The following METTL1 variants were observed in gnomAD, a reference collection of about 807,000 sequenced individuals.
The protein encoded by METTL1 is tRNA (guanine-N(7)-)-methyltransferase.
In METTL1, 14 loss-of-function variants were observed where a neutral mutation model predicts 27.7. That is an observed-to-expected ratio of 0.51 (90% CI 0.33 to 0.79). The LOEUF (loss-of-function observed/expected upper bound fraction) is 0.79, where lower values mean the gene tolerates loss of function less well. METTL1 is among the 30% of genes least tolerant of loss of function. The pLI is 0.02. For missense variants in METTL1, 333 were observed against 359.6 expected (o/e 0.93, Z 0.60); for synonymous variants, 138 against 137.0 (o/e 1.01, Z -0.05).
intron 2 of METTL1, among the ~76,000 whole-genome samples, chr12:57,770,261 A>C (rs899419658): frequency 2.2e-4 from 33 of 152,360 alleles, no homozygotes; most frequent in African/African-American, 7.9e-4. Flanking sequence ...TGTGAAGATA[A>C]GGAAACTGAG....
intron 2 of METTL1, 55 bp downstream of exon 2, chr12:57,771,039 G>A: frequency 1.3e-6 from 2 of 1,572,680 alleles, no homozygotes. Flanking sequence ...AAGTTGCTGA[G>A]GCAGCAGAAG....
chr12:57,772,093 C>A lies in METTL1; in HGVS notation c.-10G>T. On this transcript the variant is annotated 5_prime_UTR_variant, in exon 1 of 6. Transcript: ENST00000324871. The surrounding 1 kb of genome is among the most constrained non-coding windows in gnomAD (Gnocchi z 4.1). ...GAGTCTCGGCTGCCATGATCCCAGT[C>A]CGGGGTTTCTCTACCAAATCCACGT... 6.4e-7 allele frequency: 1 copy of A among 1,571,554 alleles called. No homozygotes were observed. Among genetic ancestry groups the A allele is most frequent in the African/African-American group, 1.4e-5 (1 of 71,406 alleles).
In METTL1 at chr12:57,769,365, C is replaced by G; in HGVS notation, c.613G>C (p.Asp205His). ...YTITDVLELH[D>H]WMCTHFEEHP... ...TCTTCGAAATGAGTGCACATCCAGT[C>G]GTGTAGCTCCAGCACATCGGTTATG... The change falls in exon 5 of 6, where the codon GAC (aspartate) becomes CAC (histidine). Residue 205 changes from aspartate (D) to histidine (H), a missense_variant. Asp to His is a moderately conservative substitution (Grantham distance 81, BLOSUM62 -1). Transcript: ENST00000324871. The G allele has an allele frequency of 6.2e-7, 1 of 1,614,176 alleles. No individual in the cohort carries two copies. Among genetic ancestry groups the G allele is most frequent in the Non-Finnish European group, 8.5e-7 (1 of 1,180,038 alleles).
In METTL1 at chr12:57,771,838, C is replaced by G. The variant is rs1955436601; in HGVS notation, c.110+136G>C. On this transcript the variant is annotated intron_variant, in intron 1 of 5. Coordinates refer to ENST00000324871, the MANE Select transcript of METTL1 (RefSeq NM_005371.6). Reference sequence around the variant, plus strand: ...CCTCTCTCGGTCGAATCTCCCGGTCCCACCCCCAAAAACTGACGTCACCCA... The same window carrying G: ...CCTCTCTCGGTCGAATCTCCCGGTCGCACCCCCAAAAACTGACGTCACCCA... 11 of 1,192,138 alleles carry G rather than the reference C, an allele frequency of 9.2e-6. No homozygotes were observed. The South Asian group carries it at 1.7e-4, about 18-fold the overall frequency. 73.8% of individuals were successfully genotyped at this position (1,192,138 alleles called of 1,614,324 possible). A position where few individuals can be genotyped will look rare whatever the true frequency, so the allele number is the denominator to read the frequency against.
At chr12:57,771,287 G>C in intron 1 of METTL1, 30 bp from the exon 2 acceptor site, 2 of 1,411,728 alleles carry the variant, frequency 1.4e-6, no homozygotes, top group South Asian at 1.1e-5. Context: ...AGAAGCATGA[G>C]AAGGTTGGTC....
At chr12:57,769,454 G>T (rs1339586484) in intron 4 of METTL1, 50 bp from the exon 5 acceptor site, 1 of 1,605,978 alleles carries the variant, frequency 6.2e-7, no homozygotes, top group Admixed American at 1.7e-5. Context: ...AACGTCAGCA[G>T]CCAGATGAAG....
At position 57,768,851 on chromosome 12, in the gene METTL1, A is replaced by T. The variant is rs1337443814; in HGVS notation, c.*145T>A. ...GGAGCCAGGGGTAGTCATGAACACC[A>T]GTGGGTTCTGCCCTGGGCAGCTCCC... On this transcript the variant is annotated 3_prime_UTR_variant, in exon 6 of 6. Coordinates refer to ENST00000324871, the MANE Select transcript of METTL1 (RefSeq NM_005371.6). The T allele has an allele frequency of 2.1e-6, 2 of 932,268 alleles. No individual in the cohort carries two copies. The highest frequency in any genetic ancestry group is 3.1e-6 in the Non-Finnish European group (2 of 643,360). The allele number at this position is 932,268 out of a possible 1,614,324, so 57.7% of individuals were successfully genotyped here.
chr12:57,769,619 C>T lies in METTL1; in HGVS notation c.519G>A (p.Trp173Ter), dbSNP rs1955403488. 4 of 1,554,448 alleles carry T rather than the reference C, an allele frequency of 2.6e-6. No individual in the cohort carries two copies. The highest frequency in any genetic ancestry group is 1.2e-5 in the South Asian group (1 of 80,976). ...DPHFKRTKHK[W>*]RIISPTLLAE... is the part of the protein sequence containing the mutation. ...CTAGCAGGGTGGGACTGATGATTCG[C>T]CACTTGTGCTTTGTCCGCTTGAAAT... is the stretch of plus-strand genomic sequence containing the variant. The change falls in exon 4 of 6, where the codon TGG (tryptophan) becomes TGA (stop). Residue 173 changes from tryptophan to a stop codon, truncating the protein, a stop_gained. Coordinates refer to ENST00000324871, the MANE Select transcript of METTL1 (RefSeq NM_005371.6). LOFTEE classifies it high-confidence loss of function.
intron 1 of METTL1, chr12:57,771,571 C>T (rs1394175876): frequency 1.4e-5 from 21 of 1,535,234 alleles, no homozygotes; most frequent in Non-Finnish European, 1.7e-5. Flanking sequence ...AGACTGGCTG[C>T]CTAATGCACT....
At chr12:57,770,952 G>A in intron 2 of METTL1, 142 bp downstream of exon 2, 1 of 851,666 alleles carries the variant, frequency 1.2e-6, no homozygotes, top group Non-Finnish European at 1.8e-6. Context: ...CCAGAGTAGA[G>A]GGTAGGTGGA....
intron 1 of METTL1, chr12:57,771,762 C>T: frequency 7.9e-7 from 1 of 1,273,056 alleles, no homozygotes; most frequent in Non-Finnish European, 1.1e-6. Context: ...AACTTAGCAC[C>T]GCTACCCAGA....
intron 2 of METTL1, among the ~76,000 whole-genome samples, chr12:57,770,383 G>C (rs1478280381): frequency 1.3e-5 from 2 of 152,124 alleles, no homozygotes; most frequent in African/African-American, 4.8e-5. Context: ...CACAATCTTG[G>C]CTCACTGCAA....
At chr12:57,770,109 G>A (rs917244413) in intron 2 of METTL1, among the ~76,000 whole-genome samples, 153 bp from the exon 3 acceptor site, 5 of 152,250 alleles carry the variant, frequency 3.3e-5, no homozygotes, top group African/African-American at 1.2e-4. Flanking sequence ...TTATGCTCAA[G>A]AGGCGGGGGG....
intron 1 of METTL1, chr12:57,771,606 C>T (rs1347593991): frequency 1.3e-6 from 2 of 1,535,434 alleles, no homozygotes; most frequent in Admixed American, 2.0e-5. Flanking sequence ...TGTTTGTGCT[C>T]TGCGGGGAGG....
chr12:57,771,708 G>C (rs1240797254), intron 1 of METTL1: 9 of 1,462,096 alleles, frequency 6.2e-6, no homozygotes, highest in Non-Finnish European at 8.2e-6. Context: ...ACGACATTCT[G>C]CCTCTATCAC....
intron 1 of METTL1, 24 bp from the exon 2 acceptor site, chr12:57,771,281 G>A: frequency 6.3e-7 from 1 of 1,577,872 alleles, no homozygotes; most frequent in Non-Finnish European, 8.6e-7. Flanking sequence ...GACATAAGAA[G>A]CATGAGAAGG....
chr12:57,770,009 A>G, intron 2 of METTL1, 53 bp from the exon 3 acceptor site: 1 of 1,528,432 alleles, frequency 6.5e-7, no homozygotes. Flanking sequence ...TAGGAAGTGC[A>G]AAGGGGTCAA....
At chr12:57,771,469 T>A in intron 1 of METTL1, 2 of 1,494,402 alleles carry the variant, frequency 1.3e-6, no homozygotes, top group Non-Finnish European at 8.9e-7. Flanking sequence ...ATGAGGCCCA[T>A]AAACGCTGAC....
At position 57,771,145 on chromosome 12, in the gene METTL1, G is replaced by A. The variant is rs767185401; in HGVS notation, c.223C>T (p.Gln75Ter). The change falls in exon 2 of 6, where the codon CAG (glutamine) becomes TAG (stop). Residue 75 changes from glutamine (Q) to a stop codon, truncating the protein, a stop_gained. Coordinates refer to ENST00000324871, the MANE Select transcript of METTL1 (RefSeq NM_005371.6). LOFTEE classifies it high-confidence loss of function. ...ATGTCTGCAAACTCCACTTGGGCCT[G>A]AGCTCTCTTTTCTTTCTTATCCTTT... is the stretch of plus-strand genomic sequence containing the variant. ...DPKDKKEKRA[Q>*]AQVEFADIGC... 1 of 1,614,182 alleles carries A rather than the reference G, an allele frequency of 6.2e-7. No individual in the cohort carries two copies. The highest frequency in any genetic ancestry group is 1.1e-5 in the South Asian group (1 of 91,076).
Sources: gnomAD v4.1 joint callset for allele counts (sites outside exome capture counted in the v4.1 genomes callset) on GRCh38, gnomAD v4.1.1 for gene constraint, Gnocchi (gnomAD v3.1) non-coding constraint, MANE v1.5 for transcripts, NCBI Gene and HGNC (gene_info 2026-07-23, HGNC 2026-07-21) for gene names.